CFAP92: variants seen among roughly 807,000 people sequenced by gnomAD.
CFAP92 encodes the protein uncharacterized protein CFAP92.
A neutral mutation model predicts 106.3 loss-of-function variants in CFAP92; 86 were observed. That is an observed-to-expected ratio of 0.81 (90% confidence interval 0.68 to 0.97). The LOEUF is 0.97. Ranked by LOEUF, CFAP92 falls within the 50% of genes least tolerant of loss-of-function variation. CFAP92 has a pLI of 0.00. For synonymous variants in CFAP92, 477 were observed against 506.4 expected (o/e 0.94, Z 0.78); for missense variants, 1,204 against 1,283.8 (o/e 0.94, Z 0.95).
chr3:128,944,529 A>C (rs960185798), intron 10 of CFAP92, among the ~76,000 whole-genome samples: 2 of 152,154 alleles, frequency 1.3e-5, no homozygotes, highest in Non-Finnish European at 2.9e-5. Context: ...GATCTACCCA[A>C]ACTAGTATAC....
rs1484504087 is a variant in CFAP92, at chr3:128,915,359, C to CA, written c.3120dup (p.Glu1041Ter). 7.8e-6 allele frequency: 12 copies of CA among 1,536,038 alleles called. No homozygotes were observed. Among genetic ancestry groups the CA allele is most frequent in the Middle Eastern group, 1.7e-4 (1 of 6,012 alleles). ...AGACCCTGCTCTTCCCTGTGGACCT[C>CA]ATTCAGCTCTTTGATGGGTGGCAGC... On this transcript the variant is annotated frameshift_variant, in exon 14 of 16. Coordinates refer to ENST00000645291, the MANE Select transcript of CFAP92 (RefSeq NM_001394090.1). LOFTEE classifies it high-confidence loss of function.
At chr3:128,976,115 G>A (rs2107790487) in intron 6 of CFAP92, among the ~76,000 whole-genome samples, 1 of 152,174 alleles carries the variant, frequency 6.6e-6, no homozygotes, top group Non-Finnish European at 1.5e-5. Flanking sequence ...AGTAAACCAG[G>A]GGCAGGCCTG....
rs976102529 is a variant in CFAP92 at position 128,989,097 on chromosome 3, G to A, written c.263-179C>T. Among the ~76,000 whole-genome samples, 2 of 152,100 alleles carry A rather than the reference G, an allele frequency of 1.3e-5. 1 individual carries two copies. The highest frequency in any genetic ancestry group is 3.9e-4 in the East Asian group (2 of 5,186). ...CCAGCAGAGTAGCACGACCTGGACTGGGCACCTGAGTGCAAAATTTAGGTG... is the reference window on the plus strand; with the variant it reads ...CCAGCAGAGTAGCACGACCTGGACTAGGCACCTGAGTGCAAAATTTAGGTG... On this transcript the variant is annotated intron_variant, in intron 2 of 15. Transcript: ENST00000645291.
Position 128,932,714 on chromosome 3 carries a change from G to A in CFAP92, c.2737C>T (p.His913Tyr). 6.5e-7 allele frequency: 1 copy of A among 1,532,694 alleles called. No homozygotes were observed. The highest frequency in any genetic ancestry group is 2.4e-5 in the East Asian group (1 of 40,900). The allele number at this position is 1,532,694 out of a possible 1,614,324, so 94.9% of individuals were successfully genotyped here. Reference protein sequence around the residue: ...AMLMKNKDKKHSFIQKNITEA... With the variant: ...AMLMKNKDKKYSFIQKNITEA... ...AGGCGGCCCACCTGGATGAAACTGT[G>A]CTTTTTGTCTTTGTTCTTCATAAGC... is the stretch of plus-strand genomic sequence containing the variant. Residue 913 changes from histidine (H) to tyrosine (Y), a missense_variant, in exon 12 of 16, where the codon CAC becomes TAC. His to Tyr is a moderately conservative substitution (Grantham distance 83, BLOSUM62 2). Transcript: ENST00000645291.
At chr3:128,999,531 C>CTT (rs5852556) in intron 1 of CFAP92, among the ~76,000 whole-genome samples, 2,627 of 71,602 alleles carry the variant, frequency 0.037, 136 homozygotes, top group African/African-American at 0.077. Context: ...AAATCAGGTT[C>CTT]TTTTTTTTTT....
At chr3:128,994,679 G>A (rs1428972339), upstream of CFAP92, among the ~76,000 whole-genome samples, 1 of 152,226 alleles carries the variant, frequency 6.6e-6, no homozygotes, top group Non-Finnish European at 1.5e-5. Context: ...GCGCAGCACT[G>A]TGTTGAAATC....
At position 128,971,150 on chromosome 3, in the gene CFAP92, C is replaced by T. The variant is rs553417312; in HGVS notation, c.1168+137G>A. The stretch of plus-strand genomic sequence containing the variant: ...TTCCCCCTGTACTATGAAGCCAATT[C>T]CCCTGAGTTTCCTGAGGTGGCTGTG... On this transcript the variant is annotated intron_variant, in intron 8 of 15. Transcript: ENST00000645291. The T allele has an allele frequency of 2.1e-6, 3 of 1,405,566 alleles. No individual in the cohort carries two copies. In the South Asian group the frequency reaches 3.8e-5, roughly 18 times the overall value. The allele number at this position is 1,405,566 out of a possible 1,614,324, so 87.1% of individuals were successfully genotyped here.
intron 4 of CFAP92, among the ~76,000 whole-genome samples, chr3:128,979,839 C>T (rs1272811415): frequency 2.0e-5 from 3 of 151,224 alleles, no homozygotes; most frequent in Non-Finnish European, 4.4e-5. Flanking sequence ...GGAGATATAC[C>T]TAATGTAAAT....
At chr3:129,002,345 G>A in intron 1 of CFAP92, 1 of 1,511,530 alleles carries the variant, frequency 6.6e-7, no homozygotes. Context: ...GCCACGAAGG[G>A]AGGGTGGTAA....
chr3:128,925,776 A>G (rs978124522), intron 12 of CFAP92, among the ~76,000 whole-genome samples: 4 of 152,202 alleles, frequency 2.6e-5, no homozygotes, highest in Non-Finnish European at 4.4e-5. Context: ...GCCGAAAACC[A>G]AAGAAAATAA....
chr3:128,910,660 G>T, intron 15 of CFAP92: 1 of 1,477,880 alleles, frequency 6.8e-7, no homozygotes. Context: ...TACCCAGTTT[G>T]GCTGATAGGC....
chr3:129,016,567 C>G, the CFAP92 span, among the ~76,000 whole-genome samples: 1 of 151,868 alleles, frequency 6.6e-6, no homozygotes, highest in East Asian at 2.0e-4. Flanking sequence ...GCCAGCTTCC[C>G]TTCTGTGGAT....
At position 128,964,637 on chromosome 3, in the gene CFAP92, T is replaced by C. The variant is rs1031090498; in HGVS notation, c.1353+874A>G. On this transcript the variant is annotated intron_variant, in intron 9 of 15. Coordinates refer to ENST00000645291, the MANE Select transcript of CFAP92 (RefSeq NM_001394090.1). ...CAGATGTCCTAGGTCCTCCCAATTCTTAGACCTTTTATACCTGTTTTTCTC... is the reference window on the plus strand; with the variant it reads ...CAGATGTCCTAGGTCCTCCCAATTCCTAGACCTTTTATACCTGTTTTTCTC... 4.6e-5 allele frequency among the ~76,000 whole-genome samples: 7 copies of C among 152,228 alleles called. No individual in the cohort carries two copies. In the East Asian group the frequency reaches 7.7e-4, roughly 17 times the overall value.
At chr3:128,943,928 T>TTG (rs1197298322) in intron 10 of CFAP92, among the ~76,000 whole-genome samples, 3 of 148,424 alleles carry the variant, frequency 2.0e-5, no homozygotes, top group African/African-American at 7.6e-5. Context: ...CCGTTTTTTT[T>TTG]TTTTTTTTTT....
intron 4 of CFAP92, among the ~76,000 whole-genome samples, chr3:128,984,061 C>T (rs1411530109): frequency 1.3e-5 from 2 of 152,158 alleles, no homozygotes; most frequent in Non-Finnish European, 2.9e-5. Flanking sequence ...GGGGGACACC[C>T]ACTGGGCACC....
intron 1 of CFAP92, 157 bp downstream of exon 1, chr3:128,993,823 G>T: frequency 2.2e-6 from 1 of 462,626 alleles, no homozygotes; most frequent in Non-Finnish European, 3.0e-6. Flanking sequence ...TGTGCACTGG[G>T]TGCTGGGCTC....
chr3:129,025,995 C>T, the CFAP92 span, among the ~76,000 whole-genome samples: 2 of 152,242 alleles, frequency 1.3e-5, no homozygotes, highest in Non-Finnish European at 2.9e-5. Flanking sequence ...TGAGTGCAGA[C>T]CCCACCTCTC....
intron 12 of CFAP92, among the ~76,000 whole-genome samples, chr3:128,925,897 A>G (rs1208491712): frequency 3.9e-5 from 6 of 152,244 alleles, no homozygotes; most frequent in Admixed American, 2.0e-4. Context: ...TGATGTCTTT[A>G]AAGTGTTAAT....
rs568913124 is a variant in CFAP92, at chr3:128,956,080, T to C, written c.1353+9431A>G. Among the ~76,000 whole-genome samples, 741 of 100,652 alleles carry C rather than the reference T, an allele frequency of 7.4e-3. 32 individuals are homozygous for C. The highest frequency in any genetic ancestry group is 0.061 in the East Asian group (219 of 3,610). The allele number at this position is 100,652 out of a possible 152,430, so 66.0% of individuals were successfully genotyped here. On this transcript the variant is annotated intron_variant, in intron 9 of 15. Transcript: ENST00000645291. ...TCTGCCTAGGAAAACCAGAGACCTT[T>C]GTTCACTTGTTTATCTGCTGACCTT...
Sources: gnomAD v4.1 joint callset for allele counts (sites outside exome capture counted in the v4.1 genomes callset) on GRCh38, gnomAD v4.1.1 for gene constraint, MANE v1.5 for transcripts, NCBI Gene and HGNC (gene_info 2026-07-23, HGNC 2026-07-21) for gene names.